TANK: variants seen among roughly 807,000 people sequenced by gnomAD.
TANK encodes the protein TRAF family member associated NFKB activator.
In TANK, 15 loss-of-function variants were observed where a neutral mutation model predicts 43.6. The ratio of observed to expected loss-of-function variants is 0.34; its 90% CI spans 0.23 to 0.53. TANK has a LOEUF of 0.53. Among genes scored for constraint, TANK ranks in the 20% least tolerant of loss-of-function variants. The pLI, the probability that TANK is intolerant of heterozygous loss-of-function variation, is 0.94. For synonymous variants in TANK, 162 were observed against 178.2 expected (o/e 0.91, Z 0.73); for missense variants, 417 against 498.6 (o/e 0.84, Z 1.56).
chr2:161,152,961 A>C (rs1684120083), intron 1 of TANK, among the ~76,000 whole-genome samples: 1 of 152,038 alleles, frequency 6.6e-6, no homozygotes, highest in African/African-American at 2.4e-5. Flanking sequence ...GCAAATTGGG[A>C]AGTTTTCAGC....
chr2:161,178,863 T>G (rs1200437448), intron 1 of TANK, among the ~76,000 whole-genome samples: 1 of 152,172 alleles, frequency 6.6e-6, no homozygotes, highest in Non-Finnish European at 1.5e-5. Context: ...GTTGTGATTT[T>G]TACAGTTGGA....
intron 5 of TANK, 127 bp from the exon 6 acceptor site, chr2:161,224,503 TA>T (rs1468048978): frequency 6.4e-6 from 3 of 472,428 alleles, no homozygotes; most frequent in Non-Finnish European, 1.1e-5. Flanking sequence ...TTTAGGAATT[TA>T]AAATAATTTT....
chr2:161,168,586 A>G (rs547032800), intron 1 of TANK, among the ~76,000 whole-genome samples: 52 of 152,306 alleles, frequency 3.4e-4, no homozygotes, highest in African/African-American at 1.1e-3. Flanking sequence ...TAATCCAAGC[A>G]CTTTGGGAGG....
At chr2:161,161,259 A>G in intron 1 of TANK, 5 of 1,550,250 alleles carry the variant, frequency 3.2e-6, no homozygotes, top group South Asian at 1.2e-5. Context: ...CTTGCTATGT[A>G]AAGTGGTGTT....
intron 3 of TANK, among the ~76,000 whole-genome samples, chr2:161,203,985 T>C (rs1190384808): frequency 1.3e-5 from 2 of 152,102 alleles, no homozygotes; most frequent in East Asian, 3.8e-4. Flanking sequence ...TGTCTAATCA[T>C]GGAAAGCTAG....
chr2:161,191,192 A>C (rs746231631), intron 2 of TANK, among the ~76,000 whole-genome samples: 9 of 152,226 alleles, frequency 5.9e-5, no homozygotes, highest in Non-Finnish European at 1.2e-4. Flanking sequence ...AAGACATCTA[A>C]GTATTCCAAA....
At chr2:161,171,900 A>G (rs1558972572) in intron 1 of TANK, among the ~76,000 whole-genome samples, 3 of 151,882 alleles carry the variant, frequency 2.0e-5, no homozygotes. Context: ...TACTGAAAAT[A>G]TTTTTTTTCA....
intron 4 of TANK, among the ~76,000 whole-genome samples, chr2:161,209,213 A>G (rs984996269): frequency 6.6e-6 from 1 of 152,232 alleles, no homozygotes; most frequent in Non-Finnish European, 1.5e-5. Context: ...CAATGCTTAG[A>G]GAACTAAGAA....
chr2:161,161,196 AAAG>A lies in TANK; in HGVS notation c.-50+715_-50+717del. On this transcript the variant is annotated intron_variant, in intron 1 of 7. Coordinates refer to ENST00000392749, the MANE Select transcript of TANK (RefSeq NM_001199135.3). ...AGAAGTAGAAAGGGGGAGGATAATC[AAAG>A]AAGAGCTGTGCCTTTATTGTTATGC... 2.5e-5 allele frequency: 38 copies of A among 1,498,938 alleles called. No individual in the cohort carries two copies. In the South Asian group the frequency reaches 4.8e-4, roughly 19 times the overall value. The allele number at this position is 1,498,938 out of a possible 1,614,324, so 92.9% of individuals were successfully genotyped here.
chr2:161,154,748 T>C (rs527477668), intron 1 of TANK, among the ~76,000 whole-genome samples: 1 of 142,918 alleles, frequency 7.0e-6, no homozygotes, highest in East Asian at 2.0e-4. Context: ...AAGCATACAC[T>C]TTTTTTTTTT....
At chr2:161,166,040 T>C (rs1401234377) in intron 1 of TANK, among the ~76,000 whole-genome samples, 1 of 152,210 alleles carries the variant, frequency 6.6e-6, no homozygotes, top group Non-Finnish European at 1.5e-5. Flanking sequence ...TCTTTGACAG[T>C]GAAATCTTTT....
At chr2:161,203,705 T>C in intron 3 of TANK, 110 bp downstream of exon 3, 2 of 665,788 alleles carry the variant, frequency 3.0e-6, no homozygotes, top group Non-Finnish European at 2.6e-6. Context: ...AGTTTTGATA[T>C]TATAACTGTG....
At chr2:161,221,500 G>C (rs957029076) in intron 4 of TANK, among the ~76,000 whole-genome samples, 2 of 152,130 alleles carry the variant, frequency 1.3e-5, no homozygotes, top group Non-Finnish European at 2.9e-5. Context: ...TTCTGGGAAA[G>C]TGTTGAAGTT....
At chr2:161,161,580 A>G in intron 1 of TANK, 1 of 1,202,290 alleles carries the variant, frequency 8.3e-7, no homozygotes, top group South Asian at 1.7e-5. Flanking sequence ...TATGTGCATA[A>G]CCATGTTATT....
chr2:161,173,840 T>C (rs1685062281), intron 1 of TANK, among the ~76,000 whole-genome samples: 2 of 152,058 alleles, frequency 1.3e-5, no homozygotes, highest in African/African-American at 4.8e-5. Context: ...GCTCAGTTCC[T>C]CCTTTAGAGA....
intron 1 of TANK, among the ~76,000 whole-genome samples, chr2:161,171,176 C>T (rs921770820): frequency 1.3e-5 from 2 of 152,140 alleles, no homozygotes; most frequent in Non-Finnish European, 1.5e-5. Flanking sequence ...AATTTTGGCA[C>T]AGATGCAAGT....
intron 2 of TANK, among the ~76,000 whole-genome samples, chr2:161,190,208 T>C (rs955973824): frequency 2.0e-5 from 3 of 152,184 alleles, no homozygotes; most frequent in African/African-American, 7.2e-5. Flanking sequence ...AATAAGCATA[T>C]GAAAAGATGC....
At chr2:161,207,498 GC>G in intron 4 of TANK, 1 of 984,466 alleles carries the variant, frequency 1.0e-6, no homozygotes, top group Non-Finnish European at 1.2e-6. Flanking sequence ...TAGCCAAAGT[GC>G]TAATGAGCAC....
chr2:161,232,326 A>G (rs1687951705), intron 7 of TANK, among the ~76,000 whole-genome samples: 1 of 152,232 alleles, frequency 6.6e-6, no homozygotes, highest in African/African-American at 2.4e-5. Flanking sequence ...ATGAAAATAC[A>G]GATTGATGTA....
Sources: gnomAD v4.1 joint callset for allele counts (sites outside exome capture counted in the v4.1 genomes callset) on GRCh38, gnomAD v4.1.1 for gene constraint, MANE v1.5 for transcripts, NCBI Gene and HGNC (gene_info 2026-07-23, HGNC 2026-07-21) for gene names.